KAT6A: variants seen among roughly 807,000 people sequenced by gnomAD.
KAT6A encodes the protein lysine acetyltransferase 6A, also known as histone acetyltransferase KAT6A.
Under a neutral mutation model 198.4 loss-of-function variants are expected in KAT6A, and 9 were observed. The observed-to-expected ratio is 0.05, with a 90% confidence interval of 0.03 to 0.08. The LOEUF (loss-of-function observed/expected upper bound fraction) is 0.08. Ranked by LOEUF, KAT6A falls within the 10% of genes least tolerant of loss-of-function variation. The probability of loss-of-function intolerance (pLI) is 1.00; values close to 1 mark genes in which losing one functional copy is unlikely to be tolerated. For synonymous variants in KAT6A, 890 were observed against 883.0 expected (o/e 1.01, Z -0.14); for missense variants, 2,077 against 2,509.9 (o/e 0.83, Z 3.69).
intron 2 of KAT6A, among the ~76,000 whole-genome samples, chr8:42,030,951 A>G (rs1341348685): frequency 4.8e-5 from 7 of 147,274 alleles, no homozygotes; most frequent in Non-Finnish European, 1.0e-4. Context: ...TATGAAGTGC[A>G]TGAGCATATA....
chr8:41,942,716 A>C, intron 14 of KAT6A, 77 bp downstream of exon 14: 2 of 1,452,060 alleles, frequency 1.4e-6, no homozygotes, highest in Non-Finnish European at 1.9e-6. Flanking sequence ...AGATGATCAT[A>C]ATACATTATT....
At chr8:41,965,389 G>A (rs985618576) in intron 8 of KAT6A, among the ~76,000 whole-genome samples, 2 of 152,158 alleles carry the variant, frequency 1.3e-5, no homozygotes, top group African/African-American at 4.8e-5. Flanking sequence ...GATGGGACTG[G>A]GCCACAGGCC....
intron 2 of KAT6A, among the ~76,000 whole-genome samples, chr8:42,017,371 T>C (rs1826324796): frequency 6.6e-6 from 1 of 152,078 alleles, no homozygotes; most frequent in African/African-American, 2.4e-5. Context: ...GGCAGATAAA[T>C]GAACAGACTA....
At chr8:42,009,923 A>C (rs1825941635) in intron 2 of KAT6A, among the ~76,000 whole-genome samples, 1 of 149,584 alleles carries the variant, frequency 6.7e-6, no homozygotes, top group South Asian at 2.1e-4. Flanking sequence ...AACAAAAAAA[A>C]ACAAAACCAC....
At chr8:41,989,450 A>G (rs972515923) in intron 2 of KAT6A, among the ~76,000 whole-genome samples, 2 of 152,126 alleles carry the variant, frequency 1.3e-5, no homozygotes, top group African/African-American at 4.8e-5. Flanking sequence ...TAGAGGTTGT[A>G]GTGAGCCGAG....
Position 41,974,777 on chromosome 8 carries a change from A to G in KAT6A, c.1409T>C (p.Leu470Pro), listed in dbSNP as rs146227878. Reference protein sequence around the residue: ...WDGKQENEERLFGSQEIMTEK... With the variant: ...WDGKQENEERPFGSQEIMTEK... Reference sequence around the variant, plus strand: ...AGTCATGATTTCCTGGCTCCCAAAAAGTCGCTCCTCATTTTCTTGTTTGCC... The same window carrying G: ...AGTCATGATTTCCTGGCTCCCAAAAGGTCGCTCCTCATTTTCTTGTTTGCC... Residue 470 changes from leucine (L) to proline (P), a missense_variant, in exon 8 of 17, where the codon CTT (leucine) becomes CCT (proline). Transcript: ENST00000265713. The G allele has an allele frequency of 1.2e-5, 19 of 1,610,436 alleles. No individual in the cohort carries two copies. In the African/African-American group the frequency reaches 2.1e-4, roughly 18 times the overall value.
chr8:41,982,425 T>A (rs1824406191), intron 3 of KAT6A, among the ~76,000 whole-genome samples: 1 of 152,240 alleles, frequency 6.6e-6, no homozygotes. Flanking sequence ...TGTCATTTTT[T>A]AAATGACAAT....
Position 41,970,353 on chromosome 8 carries a change from G to C in KAT6A, c.1482+4351C>G, listed in dbSNP as rs187705061. 2.9e-3 allele frequency among the ~76,000 whole-genome samples: 446 copies of C among 152,262 alleles called. 1 individual carries two copies. The highest frequency in any genetic ancestry group is 5.2e-3 in the Non-Finnish European group (352 of 68,018). On this transcript the variant is annotated intron_variant, in intron 8 of 16. Coordinates refer to ENST00000265713, the MANE Select transcript of KAT6A (RefSeq NM_006766.5). ...GCTGAGTTTAATCAAATGCTGGAAAGAAACATAGGATTAGCCCGATTACTG... is the reference window on the plus strand; with the variant it reads ...GCTGAGTTTAATCAAATGCTGGAAACAAACATAGGATTAGCCCGATTACTG...
chr8:42,038,902 T>G (rs1474334575), intron 2 of KAT6A, among the ~76,000 whole-genome samples: 1 of 152,140 alleles, frequency 6.6e-6, no homozygotes, highest in Non-Finnish European at 1.5e-5. Context: ...TACTATAATC[T>G]CTATGCTTAA....
intron 8 of KAT6A, among the ~76,000 whole-genome samples, chr8:41,959,953 C>T (rs1293337604): frequency 1.3e-5 from 2 of 148,522 alleles, no homozygotes; most frequent in Non-Finnish European, 1.5e-5. Flanking sequence ...AAGACTCTGT[C>T]TTTAAAGAAA....
At chr8:41,940,695 G>C in intron 15 of KAT6A, 147 bp downstream of exon 15, 1 of 943,586 alleles carries the variant, frequency 1.1e-6, no homozygotes, top group Non-Finnish European at 1.6e-6. Flanking sequence ...GGAAGATCTT[G>C]AGCTACAATA....
At chr8:41,983,945 T>TGAA (rs1449461195) in intron 3 of KAT6A, among the ~76,000 whole-genome samples, 2 of 152,254 alleles carry the variant, frequency 1.3e-5, no homozygotes, top group African/African-American at 4.8e-5. Context: ...CAGGCTCTGC[T>TGAA]CTTTGGACTT....
intron 8 of KAT6A, among the ~76,000 whole-genome samples, chr8:41,973,561 A>G (rs990920786): frequency 1.3e-5 from 2 of 152,140 alleles, no homozygotes; most frequent in Admixed American, 6.5e-5. Flanking sequence ...CTTGGCTTAC[A>G]TGGTACATTT....
At chr8:41,949,605 G>A (rs1351856248) in intron 9 of KAT6A, among the ~76,000 whole-genome samples, 4 of 152,158 alleles carry the variant, frequency 2.6e-5, no homozygotes, top group Admixed American at 1.3e-4. Context: ...AATTTGGATA[G>A]TTATGCTTAA....
chr8:41,959,444 T>C (rs954310804), intron 8 of KAT6A, among the ~76,000 whole-genome samples: 20 of 152,326 alleles, frequency 1.3e-4, no homozygotes, highest in Non-Finnish European at 2.8e-4. Context: ...GAAAACAGTA[T>C]GATGGTTCCT....
At chr8:41,999,541 ATT>A (rs1825383749) in intron 2 of KAT6A, among the ~76,000 whole-genome samples, 1 of 152,022 alleles carries the variant, frequency 6.6e-6, no homozygotes, top group African/African-American at 2.4e-5. Flanking sequence ...CTTAAATACT[ATT>A]TTTATCCAGT....
intron 2 of KAT6A, among the ~76,000 whole-genome samples, chr8:42,015,019 C>T (rs140562342): frequency 6.6e-6 from 1 of 152,292 alleles, no homozygotes; most frequent in African/African-American, 2.4e-5. Context: ...CATCTTTAAG[C>T]CTCCAGAAAC....
rs1185273342 is a variant in KAT6A, at chr8:41,933,493, C to T, written c.4727G>A (p.Ser1576Asn). ...CTGGGAAGAGCTGTTCCCACAGATGCTGCCGCCCATCGTGGAGTCGTAACT... is the reference window on the plus strand; with the variant it reads ...CTGGGAAGAGCTGTTCCCACAGATGTTGCCGCCCATCGTGGAGTCGTAACT... ...PSSYDSTMGG[S>N]ICGNSSSQSS... The change falls in exon 17 of 17, where the codon AGC becomes AAC. Residue 1576 changes from serine (S) to asparagine (N), a missense_variant. Ser to Asn is a conservative substitution (Grantham distance 46, BLOSUM62 1). Around this residue, in one of 13 missense-constraint regions of KAT6A, gnomAD observed 500 missense variants for 577.2 expected, o/e 0.87. Coordinates refer to ENST00000265713, the MANE Select transcript of KAT6A (RefSeq NM_006766.5). The surrounding 1 kb of genome is among the most constrained non-coding windows in gnomAD (Gnocchi z 6.2). The T allele has an allele frequency of 3.7e-6, 6 of 1,613,520 alleles. No individual in the cohort carries two copies. Among genetic ancestry groups the T allele is most frequent in the Non-Finnish European group, 4.2e-6 (5 of 1,179,692 alleles).
chr8:41,950,633 A>AT (rs1004657126), intron 9 of KAT6A, among the ~76,000 whole-genome samples: 1 of 151,886 alleles, frequency 6.6e-6, no homozygotes, highest in Non-Finnish European at 1.5e-5. Flanking sequence ...AACCTAAAAA[A>AT]TTTTGTGCTT....
Sources: gnomAD v4.1 joint callset for allele counts (sites outside exome capture counted in the v4.1 genomes callset) on GRCh38, gnomAD v4.1.1 for gene constraint, gnomAD v4.1.1 regional missense constraint, Gnocchi (gnomAD v3.1) non-coding constraint, MANE v1.5 for transcripts, NCBI Gene and HGNC (gene_info 2026-07-23, HGNC 2026-07-21) for gene names.